Variants in STPG2 observed in about 807,000 individuals in gnomAD.
STPG2 encodes sperm-tail PG-rich repeat-containing protein 2.
STPG2 carries 56 observed loss-of-function variants against 54.2 expected under a neutral mutation model. That is an observed-to-expected ratio of 1.03 (90% CI 0.83 to 1.29). STPG2 has a LOEUF of 1.29. Among genes scored for constraint, STPG2 ranks in the 50% most tolerant of loss-of-function variants. STPG2 has a pLI of 0.00. For missense variants in STPG2, 596 were observed against 544.9 expected, an observed-to-expected ratio of 1.09 and a Z score of -0.93; for synonymous variants, 200 against 181.8, an observed-to-expected ratio of 1.10 and a Z score of -0.81.
intron 8 of STPG2, among the ~76,000 whole-genome samples, chr4:97,936,121 A>G (rs1162010462): frequency 1.3e-5 from 2 of 152,150 alleles, no homozygotes; most frequent in African/African-American, 4.8e-5. Flanking sequence ...TCATCCCTTT[A>G]CCGTTATGTA....
At chr4:97,552,826 G>A (rs1162256048) in intron 4 of STPG2, among the ~76,000 whole-genome samples, 4 of 152,030 alleles carry the variant, frequency 2.6e-5, no homozygotes, top group African/African-American at 4.8e-5. Context: ...CAATGCATCC[G>A]AGCAGTTATT....
chr4:97,522,274 G>T (rs1356542343), intron 4 of STPG2, among the ~76,000 whole-genome samples: 2 of 151,922 alleles, frequency 1.3e-5, no homozygotes, highest in Non-Finnish European at 1.5e-5. Context: ...TCTTAGCATT[G>T]CTGGCATTAT....
At chr4:97,522,283 A>G (rs533818804) in intron 4 of STPG2, among the ~76,000 whole-genome samples, 1 of 152,166 alleles carries the variant, frequency 6.6e-6, no homozygotes, top group Non-Finnish European at 1.5e-5. Flanking sequence ...TGCTGGCATT[A>G]TCATTAGAGT....
chr4:97,925,563 T>C (rs1732303245), intron 8 of STPG2, among the ~76,000 whole-genome samples: 1 of 152,174 alleles, frequency 6.6e-6, no homozygotes, highest in South Asian at 2.1e-4. Context: ...TGGTTAGTTG[T>C]ATAATAAGAT....
rs538243856 is a variant in STPG2, at chr4:97,871,870, T to C, written c.1045-30938A>G. On this transcript the variant is annotated intron_variant, in intron 8 of 10. Transcript: ENST00000295268. ...GAAAATTATAGACCAATCACACTTA[T>C]GAAAATGATGCAAAAATACTAAATA... is the stretch of plus-strand genomic sequence containing the variant. 9.9e-5 allele frequency among the ~76,000 whole-genome samples: 15 copies of C among 151,184 alleles called. No individual in the cohort carries two copies. In the South Asian group the frequency reaches 2.5e-3, roughly 25 times the overall value.
chr4:98,083,483 T>G (rs1377444886), intron 5 of STPG2, among the ~76,000 whole-genome samples: 2 of 152,124 alleles, frequency 1.3e-5, no homozygotes, highest in Admixed American at 6.5e-5. Context: ...TACCCAAGAT[T>G]GACAAGCAGA....
chr4:97,829,750 T>C (rs530938096), intron 9 of STPG2, among the ~76,000 whole-genome samples: 2 of 151,954 alleles, frequency 1.3e-5, no homozygotes, highest in African/African-American at 4.8e-5. Flanking sequence ...ATAGCCAAAT[T>C]GATCAAGTGG....
chr4:97,904,327 C>G (rs545711232), intron 8 of STPG2, among the ~76,000 whole-genome samples: 2 of 152,204 alleles, frequency 1.3e-5, no homozygotes, highest in East Asian at 3.9e-4. Context: ...GAGGCACCCC[C>G]CAGCAGGGGC....
At chr4:97,793,370 T>TATATACAC (rs1316581246) in intron 9 of STPG2, among the ~76,000 whole-genome samples, 7 of 147,880 alleles carry the variant, frequency 4.7e-5, no homozygotes, top group African/African-American at 1.7e-4. Context: ...GTTTTATATA[T>TATATACAC]ACACACACAC....
intron 5 of STPG2, among the ~76,000 whole-genome samples, chr4:98,075,944 G>T (rs1402442270): frequency 6.6e-6 from 1 of 152,074 alleles, no homozygotes; most frequent in African/African-American, 2.4e-5. Context: ...ATTTTTAAAA[G>T]AATTAAAGAA....
chr4:97,637,233 G>C (rs1373000024), intron 10 of STPG2, among the ~76,000 whole-genome samples: 3 of 152,166 alleles, frequency 2.0e-5, no homozygotes, highest in Non-Finnish European at 2.9e-5. Context: ...CAGAGCCAAA[G>C]ACAAAAACCA....
At chr4:97,779,191 T>C (rs1399811942) in intron 9 of STPG2, among the ~76,000 whole-genome samples, 1 of 152,074 alleles carries the variant, frequency 6.6e-6, no homozygotes, top group Admixed American at 6.6e-5. Flanking sequence ...TGAAACAAGA[T>C]TAGATGAATG....
chr4:98,135,505 T>TCTC (rs1305695706), intron 1 of STPG2, among the ~76,000 whole-genome samples: 15 of 151,758 alleles, frequency 9.9e-5, no homozygotes, highest in African/African-American at 2.4e-5. Context: ...GAAAAACATC[T>TCTC]CTAATGCCAT....
chr4:97,879,519 A>T lies in STPG2; in HGVS notation c.1045-38587T>A, dbSNP rs529569192. On this transcript the variant is annotated intron_variant, in intron 8 of 10. Transcript: ENST00000295268. ...AATGAAGCAAAAGTGGTTTCCCCTT[A>T]TAAAGCCATCAGATCTCATGAGACT... Among the ~76,000 whole-genome samples the T allele has an allele frequency of 2.4e-4, 36 of 152,288 alleles. 1 individual carries two copies. The South Asian group carries it at 5.2e-3, about 22-fold the overall frequency.
chr4:97,900,802 C>G (rs1374676161), intron 8 of STPG2, among the ~76,000 whole-genome samples: 2 of 151,904 alleles, frequency 1.3e-5, no homozygotes, highest in Non-Finnish European at 2.9e-5. Context: ...AGGAAAGGAG[C>G]AGAAAAGATA....
intron 5 of STPG2, among the ~76,000 whole-genome samples, chr4:98,051,028 A>G (rs5010991): frequency 0.39 from 59,154 of 150,756 alleles, 11,888 homozygotes; most frequent in Middle Eastern, 0.46. Context: ...AAAAAAAGGA[A>G]AAAAATTGAT....
chr4:97,882,972 C>CACAA (rs1329880313), intron 8 of STPG2, among the ~76,000 whole-genome samples: 3 of 98,568 alleles, frequency 3.0e-5, no homozygotes, highest in African/African-American at 4.6e-5. Flanking sequence ...ACATACATAC[C>CACAA]ACATACACAC....
intron 8 of STPG2, among the ~76,000 whole-genome samples, chr4:97,883,771 A>T (rs1362436463): frequency 1.3e-5 from 2 of 152,232 alleles, no homozygotes; most frequent in Admixed American, 6.5e-5. Context: ...CAATGTTCTA[A>T]TACTCATGTA....
At chr4:97,538,751 A>C (rs1160405348) in intron 4 of STPG2, among the ~76,000 whole-genome samples, 3 of 152,226 alleles carry the variant, frequency 2.0e-5, no homozygotes, top group African/African-American at 7.2e-5. Flanking sequence ...CAGATTCACC[A>C]AAGTTCAAAT....
Sources: allele counts gnomAD v4.1 joint callset (sites outside exome capture counted in the v4.1 genomes callset), GRCh38; gene constraint gnomAD v4.1.1; transcripts MANE v1.5; gene names NCBI Gene and HGNC (gene_info 2026-07-23, HGNC 2026-07-21).